Variants in ETNK2 observed in about 807,000 individuals in gnomAD.
ETNK2 encodes ethanolamine kinase-like protein.
ETNK2 carries 33 observed loss-of-function variants against 46.2 expected under a neutral mutation model. That is an observed-to-expected ratio of 0.71 (90% CI 0.54 to 0.96). The LOEUF (loss-of-function observed/expected upper bound fraction) is 0.96. Ranked by LOEUF, ETNK2 falls within the 40% of genes least tolerant of loss-of-function variation. The probability of loss-of-function intolerance (pLI) is 0.00; values close to 1 mark genes in which losing one functional copy is unlikely to be tolerated. For missense variants in ETNK2, 445 were observed against 509.7 expected (o/e 0.87, Z 1.22); for synonymous variants, 194 against 209.0 (o/e 0.93, Z 0.62).
intron 4 of ETNK2, 44 bp downstream of exon 4, chr1:204,141,271 C>A (rs199805218): frequency 1.2e-6 from 2 of 1,613,740 alleles, no homozygotes; most frequent in Non-Finnish European, 1.7e-6. Context: ...AGCTAACCAA[C>A]CAACCAAAAC....
intron 3 of ETNK2, chr1:204,141,676 A>T: frequency 1.8e-6 from 1 of 567,422 alleles, no homozygotes; most frequent in Non-Finnish European, 3.1e-6. Flanking sequence ...AAGCTGATAA[A>T]GACATGGGCG....
chr1:204,151,274 G>A lies in ETNK2; in HGVS notation c.258+321C>T. On this transcript the variant is annotated intron_variant, in intron 1 of 7. Transcript: ENST00000367202. This position sits in a 1 kb window ranked among gnomAD's most constrained non-coding sequence, Gnocchi z 8.0. Reference sequence around the variant, plus strand: ...AGGTTTCAGAGCTGGCTGGGTACGCGCTTCTGGTCAGCGAGGGGCACCAGC... The same window carrying A: ...AGGTTTCAGAGCTGGCTGGGTACGCACTTCTGGTCAGCGAGGGGCACCAGC... 1 of 484,030 alleles carries A rather than the reference G, an allele frequency of 2.1e-6. No homozygotes were observed. Among genetic ancestry groups the A allele is most frequent in the Non-Finnish European group, 3.7e-6 (1 of 273,860 alleles). The allele number at this position is 484,030 out of a possible 1,614,324, so 30.0% of individuals were successfully genotyped here.
Position 204,151,890 on chromosome 1 carries a change from C to G in ETNK2, c.-38G>C. ...CACCCCCTCGGAGCCGCGGCAGACG[C>G]TAGCCCCGGCGGGGGGGTCCGGCGA... On this transcript the variant is annotated 5_prime_UTR_variant, in exon 1 of 8. It removes the in-frame stop codon of an upstream open reading frame in the 5' UTR. Transcript: ENST00000367202. This position sits in a 1 kb window ranked among gnomAD's most constrained non-coding sequence, Gnocchi z 8.0. The G allele has an allele frequency of 7.1e-7, 1 of 1,409,754 alleles. No homozygotes were observed. Among genetic ancestry groups the G allele is most frequent in the Non-Finnish European group, 9.2e-7 (1 of 1,088,410 alleles). The allele number at this position is 1,409,754 out of a possible 1,614,324, so 87.3% of individuals were successfully genotyped here.
rs1440850319 is a variant in ETNK2, at chr1:204,134,473, C to T, written c.1088+42G>A. ...GCCCACACCCTGGGCTCAACCAAGG[C>T]TCTCCCTTTTCTCCACGTCCCACCA... On this transcript the variant is annotated intron_variant, in intron 7 of 7. Transcript: ENST00000367202. 10 of 1,604,460 alleles carry T rather than the reference C, an allele frequency of 6.2e-6. No homozygotes were observed. In the African/African-American group the frequency reaches 6.7e-5, roughly 11 times the overall value.
At chr1:204,146,579 GC>G in intron 3 of ETNK2, 62 bp downstream of exon 3, 1 of 1,600,946 alleles carries the variant, frequency 6.2e-7, no homozygotes, top group Non-Finnish European at 8.5e-7. Flanking sequence ...GTGGGCTGGA[GC>G]CAAAAGGATG....
At chr1:204,144,991 A>G (rs1403307091) in intron 3 of ETNK2, among the ~76,000 whole-genome samples, 1 of 152,204 alleles carries the variant, frequency 6.6e-6, no homozygotes, top group Admixed American at 6.5e-5. Context: ...CCAGTGTCAC[A>G]TTCATTTTTA....
Position 204,151,910 on chromosome 1 carries a change from C to T in ETNK2, c.-58G>A, listed in dbSNP as rs1481801046. The T allele has an allele frequency of 4.3e-6, 6 of 1,401,712 alleles. No individual in the cohort carries two copies. Among genetic ancestry groups the T allele is most frequent in the African/African-American group, 1.5e-5 (1 of 65,270 alleles). 86.8% of individuals were successfully genotyped at this position (1,401,712 alleles called of 1,614,324 possible). On this transcript the variant is annotated 5_prime_UTR_variant, in exon 1 of 8. Coordinates refer to ENST00000367202, the MANE Select transcript of ETNK2 (RefSeq NM_018208.4). The surrounding 1 kb of genome is among the most constrained non-coding windows in gnomAD (Gnocchi z 8.0). ...AGACGCTAGCCCCGGCGGGGGGGTC[C>T]GGCGAGGGAGTGGGAGTGGTAGAGG... is the stretch of plus-strand genomic sequence containing the variant.
At chr1:204,141,532 C>T (rs3737656) in intron 3 of ETNK2, 75 bp from the exon 4 acceptor site, 146,195 of 1,493,010 alleles carry the variant, frequency 0.098, 9,287 homozygotes, top group African/African-American at 0.31. Flanking sequence ...AGCCCTGAAT[C>T]TGAGCCTCAT....
intron 6 of ETNK2, among the ~76,000 whole-genome samples, chr1:204,136,286 C>T (rs1657277116): frequency 6.6e-6 from 1 of 151,802 alleles, no homozygotes; most frequent in Non-Finnish European, 1.5e-5. Flanking sequence ...ATCCTAGCTA[C>T]TCAGGAGGCT....
At chr1:204,138,198 G>C (rs1657361062) in intron 5 of ETNK2, among the ~76,000 whole-genome samples, 1 of 152,148 alleles carries the variant, frequency 6.6e-6, no homozygotes, top group Non-Finnish European at 1.5e-5. Flanking sequence ...TAGAGGCAGA[G>C]TCAGGGCTGG....
At position 204,149,761 on chromosome 1, in the gene ETNK2, C is replaced by A; in HGVS notation, c.460G>T (p.Glu154Ter). ...TCCAGGGCCACACCCTGCATGTACT[C>A]ATAGCACAGCCCATTCTGGAAGGTG... is the stretch of plus-strand genomic sequence containing the variant. Reference protein sequence around the residue: ...YCTFQNGLCYEYMQGVALEPE... With the variant: ...YCTFQNGLCY The change falls in exon 2 of 8, where the codon GAG becomes TAG. Residue 154 changes from glutamate to a stop codon, truncating the protein, a stop_gained. Coordinates refer to ENST00000367202, the MANE Select transcript of ETNK2 (RefSeq NM_018208.4). LOFTEE classifies it high-confidence loss of function. 1 of 1,605,598 alleles carries A rather than the reference C, an allele frequency of 6.2e-7. No homozygotes were observed. Among genetic ancestry groups the A allele is most frequent in the Non-Finnish European group, 8.5e-7 (1 of 1,176,412 alleles).
rs1658008483 is a variant in ETNK2, at chr1:204,151,649, C to T, written c.204G>A (p.Leu68=). 1 of 1,549,132 alleles carries T rather than the reference C, an allele frequency of 6.5e-7. No individual in the cohort carries two copies. The highest frequency in any genetic ancestry group is 1.4e-5 in the African/African-American group (1 of 72,852). The part of the protein sequence containing the change: ...VDPDDILPGA[L]RLIQELRPHW... Reference sequence around the variant, plus strand: ...GCGGCCGCAGCTCCTGGATGAGGCGCAGGGCCCCGGGAAGGATGTCGTCCG... The same window carrying T: ...GCGGCCGCAGCTCCTGGATGAGGCGTAGGGCCCCGGGAAGGATGTCGTCCG... Residue 68 remains leucine (L), a synonymous_variant, in exon 1 of 8, where the codon CTG becomes CTA. Transcript: ENST00000367202. This position sits in a 1 kb window ranked among gnomAD's most constrained non-coding sequence, Gnocchi z 8.0.
In ETNK2 at chr1:204,151,676, G is replaced by A; in HGVS notation, c.177C>T (p.Asp59=). The stretch of plus-strand genomic sequence containing the variant: ...GGGCCCCGGGAAGGATGTCGTCCGG[G>A]TCCACGGAAATGCCGAAGTACGCGA... The part of the protein sequence containing the change: ...AAVAYFGISV[D]PDDILPGALR... The change falls in exon 1 of 8, where the codon GAC becomes GAT. Residue 59 remains aspartate (D), a synonymous_variant. Transcript: ENST00000367202. This position sits in a 1 kb window ranked among gnomAD's most constrained non-coding sequence, Gnocchi z 8.0. The A allele has an allele frequency of 6.5e-7, 1 of 1,547,990 alleles. No individual in the cohort carries two copies. The highest frequency in any genetic ancestry group is 8.7e-7 in the Non-Finnish European group (1 of 1,145,922).
At chr1:204,141,694 A>T in intron 3 of ETNK2, 1 of 535,230 alleles carries the variant, frequency 1.9e-6, no homozygotes. Context: ...GCGTCAAAGC[A>T]TGAGGCAGAG....
At chr1:204,146,449 C>T (rs1657783551) in intron 3 of ETNK2, among the ~76,000 whole-genome samples, 193 bp downstream of exon 3, 1 of 152,152 alleles carries the variant, frequency 6.6e-6, no homozygotes, top group Non-Finnish European at 1.5e-5. Flanking sequence ...ATCTAAGCTC[C>T]TTAGTCAGGA....
intron 6 of ETNK2, among the ~76,000 whole-genome samples, chr1:204,134,882 A>G (rs1657223080): frequency 6.6e-6 from 1 of 152,142 alleles, no homozygotes; most frequent in Admixed American, 6.5e-5. Context: ...GGGTTCCCAC[A>G]ACCTAAGCAG....
At position 204,151,823 on chromosome 1, in the gene ETNK2, C is replaced by T; in HGVS notation, c.30G>A (p.Pro10=). ...GCCTCCTCAGGTGAAAGGACGCGCG[C>T]GGCTGAGGGGCCGAAGGGGGCACAG... is the stretch of plus-strand genomic sequence containing the variant. MAVPPSAPQ[P]RASFHLRRHT... Residue 10 remains proline, a synonymous_variant, in exon 1 of 8, where the codon CCG becomes CCA. Coordinates refer to ENST00000367202, the MANE Select transcript of ETNK2 (RefSeq NM_018208.4). The surrounding 1 kb of genome is among the most constrained non-coding windows in gnomAD (Gnocchi z 8.0). 6.8e-7 allele frequency: 1 copy of T among 1,476,766 alleles called. No homozygotes were observed. The allele number at this position is 1,476,766 out of a possible 1,614,324, so 91.5% of individuals were successfully genotyped here.
At position 204,132,040 on chromosome 1, in the gene ETNK2, GC is replaced by G. The variant is rs1425780371; in HGVS notation, c.*143del. 2.8e-6 allele frequency: 2 copies of G among 703,774 alleles called. No individual in the cohort carries two copies. The highest frequency in any genetic ancestry group is 5.4e-5 in the East Asian group (2 of 36,794). 43.6% of individuals were successfully genotyped at this position (703,774 alleles called of 1,614,324 possible). The stretch of plus-strand genomic sequence containing the variant: ...CTTCAGTGGCAACCACTGGGGTCTG[GC>G]GGCAGGGACAGAGCCTTCTCCCTGG... On this transcript the variant is annotated 3_prime_UTR_variant, in exon 8 of 8. Coordinates refer to ENST00000367202, the MANE Select transcript of ETNK2 (RefSeq NM_018208.4).
chr1:204,135,054 T>A (rs937482430), intron 6 of ETNK2, among the ~76,000 whole-genome samples: 2 of 151,374 alleles, frequency 1.3e-5, no homozygotes, highest in Non-Finnish European at 2.9e-5. Flanking sequence ...GAAGGAAGAG[T>A]GATGGGCAGC....
Sources: allele counts gnomAD v4.1 joint callset (sites outside exome capture counted in the v4.1 genomes callset), GRCh38; gene constraint gnomAD v4.1.1; non-coding constraint Gnocchi (gnomAD v3.1); transcripts MANE v1.5; gene names NCBI Gene and HGNC (gene_info 2026-07-23, HGNC 2026-07-21).